P2RX5: variants seen among roughly 807,000 people sequenced by gnomAD.
The protein encoded by P2RX5 is purinergic receptor P2X 5, also known as P2X purinoceptor 5.
A neutral mutation model predicts 54.1 loss-of-function variants in P2RX5; 46 were observed. The observed-to-expected ratio is 0.85, with a 90% CI of 0.67 to 1.09. The LOEUF (loss-of-function observed/expected upper bound fraction) is 1.09. Among genes scored for constraint, P2RX5 ranks in the 50% least tolerant of loss-of-function variants. The probability of loss-of-function intolerance (pLI) is 0.00; values close to 1 mark genes in which losing one functional copy is unlikely to be tolerated. For synonymous variants in P2RX5, 226 were observed against 226.4 expected (o/e 1.00, Z 0.02); for missense variants, 566 against 549.8 (o/e 1.03, Z -0.29).
intron 10 of P2RX5, among the ~76,000 whole-genome samples, chr17:3,681,281 G>A (rs1279336420): frequency 1.3e-5 from 2 of 152,122 alleles, no homozygotes; most frequent in African/African-American, 4.8e-5. Flanking sequence ...GTACTAAGGT[G>A]TCTGTCCCAA....
At chr17:3,723,523 A>C in the P2RX5 span, 1 of 985,234 alleles carries the variant, frequency 1.0e-6, no homozygotes, top group Non-Finnish European at 1.6e-6. Context: ...GGCCCAAGCG[A>C]AGCTCCAGCG....
chr17:3,713,410 G>A, the P2RX5 span, among the ~76,000 whole-genome samples: 1 of 152,206 alleles, frequency 6.6e-6, no homozygotes, highest in Admixed American at 6.5e-5. Flanking sequence ...TATAAATTAA[G>A]ACCCCTTTGA....
At position 3,690,425 on chromosome 17, in the gene P2RX5, A is replaced by C; in HGVS notation, c.533+2T>G. 1 of 1,606,466 alleles carries C rather than the reference A, an allele frequency of 6.2e-7. No homozygotes were observed. Among genetic ancestry groups the C allele is most frequent in the Non-Finnish European group, 8.5e-7 (1 of 1,176,208 alleles). On this transcript the variant is annotated splice_donor_variant, in intron 5 of 11. Coordinates refer to ENST00000225328, the MANE Select transcript of P2RX5 (RefSeq NM_002561.4). LOFTEE classifies it high-confidence loss of function. The stretch of plus-strand genomic sequence containing the variant: ...CAGGGTCCTGAGGCTGCAGCCACTC[A>C]CTCCGGCCTGGAGCTTGTCTCCAAC...
At chr17:3,693,490 C>T (rs1279809721) in intron 1 of P2RX5, among the ~76,000 whole-genome samples, 2 of 152,210 alleles carry the variant, frequency 1.3e-5, no homozygotes, top group Non-Finnish European at 2.9e-5. Flanking sequence ...CATCCCAGCA[C>T]TTTGGGAGGC....
the P2RX5 span, among the ~76,000 whole-genome samples, chr17:3,706,658 G>C: frequency 6.6e-6 from 1 of 152,040 alleles, no homozygotes; most frequent in Non-Finnish European, 1.5e-5. Flanking sequence ...TCGGGGGTCG[G>C]AGCAAGGAGC....
At chr17:3,701,950 C>T in the P2RX5 span, among the ~76,000 whole-genome samples, 75,071 of 150,946 alleles carry the variant, frequency 0.5, 20,780 homozygotes, top group South Asian at 0.69. Context: ...GTAATTTTTT[C>T]GTATTTTTAG....
rs1298470782 is a variant in P2RX5 at position 3,673,425 on chromosome 17, A to C, written c.*443T>G. Reference sequence around the variant, plus strand: ...CCACTGGAGAGTATGCTCTGAGGGAAGCTGCGGCACTTGCAGAGGGGAGTG... The same window carrying C: ...CCACTGGAGAGTATGCTCTGAGGGACGCTGCGGCACTTGCAGAGGGGAGTG... On this transcript the variant is annotated 3_prime_UTR_variant, in exon 12 of 12. Coordinates refer to ENST00000225328, the MANE Select transcript of P2RX5 (RefSeq NM_002561.4). The C allele has an allele frequency of 1.9e-6, 2 of 1,078,494 alleles. No individual in the cohort carries two copies. Among genetic ancestry groups the C allele is most frequent in the Non-Finnish European group, 2.3e-6 (2 of 885,146 alleles). The allele number at this position is 1,078,494 out of a possible 1,614,324, so 66.8% of individuals were successfully genotyped here. A position where few individuals can be genotyped will look rare whatever the true frequency, so the allele number is the denominator to read the frequency against.
the P2RX5 span, among the ~76,000 whole-genome samples, chr17:3,706,014 G>C: frequency 9.2e-5 from 14 of 151,928 alleles, no homozygotes; most frequent in Non-Finnish European, 1.9e-4. Context: ...GAGTGCAGTG[G>C]CACAATCTCA....
chr17:3,691,695 C>T lies in P2RX5; in HGVS notation c.237G>A (p.Ser79=), dbSNP rs758104208. The T allele has an allele frequency of 5.3e-5, 86 of 1,614,076 alleles. No individual in the cohort carries two copies. The highest frequency in any genetic ancestry group is 1.6e-4 in the Middle Eastern group (1 of 6,084). The change falls in exon 2 of 12, where the codon TCG becomes TCA. Residue 79 remains serine, a synonymous_variant. Transcript: ENST00000225328. The stretch of plus-strand genomic sequence containing the variant: ...CATCCCAGATCCGCTGCCCAAGATC[C>T]GAGGTGTTGGTGAAGGCCACGCCCT... ...KVKGVAFTNT[S]DLGQRIWDVA...
the P2RX5 span, among the ~76,000 whole-genome samples, chr17:3,701,354 T>C: frequency 6.6e-6 from 1 of 152,146 alleles, no homozygotes; most frequent in Non-Finnish European, 1.5e-5. Flanking sequence ...TCTGGTCTAG[T>C]TGGATGATTT....
rs1379424918 is a variant in P2RX5, at chr17:3,680,483, ATCCTCCACCCAGTG to A, written c.1065-713_1065-700del. ...CTCCACCCAGTGTCCTCCACCCTGC[ATCCTCCACCCAGTG>A]TCCTCCACCCTGCATCCTCCACCCT... On this transcript the variant is annotated intron_variant, in intron 10 of 11. Transcript: ENST00000225328. Among the ~76,000 whole-genome samples, 53 of 37,584 alleles carry A rather than the reference ATCCTCCACCCAGTG, an allele frequency of 1.4e-3. 1 individual carries two copies. Among genetic ancestry groups the A allele is most frequent in the South Asian group, 0.011 (10 of 944 alleles). The allele number at this position is 37,584 out of a possible 152,430, so 24.7% of individuals were successfully genotyped here.
At chr17:3,713,803 G>T in the P2RX5 span, among the ~76,000 whole-genome samples, 2 of 152,052 alleles carry the variant, frequency 1.3e-5, no homozygotes, top group African/African-American at 4.8e-5. Flanking sequence ...GCAGCAAGCG[G>T]AGTAGAAAGG....
chr17:3,680,189 GTCCTCCACCCTGCATCCTCCACCCTGCA>G (rs1409062427), intron 10 of P2RX5, among the ~76,000 whole-genome samples: 13 of 45,790 alleles, frequency 2.8e-4, no homozygotes, highest in South Asian at 2.7e-3. Context: ...TCCACCCTGC[GTCCTCCACCCTGCATCCTCCACCCTGCA>G]TCCTCCACCC....
intron 1 of P2RX5, among the ~76,000 whole-genome samples, chr17:3,692,570 G>A (rs1217063435): frequency 1.3e-5 from 2 of 152,144 alleles, no homozygotes; most frequent in African/African-American, 2.4e-5. Flanking sequence ...GGCCAGGCAC[G>A]GTGGCTCGCG....
At chr17:3,680,273 G>GCA (rs2050220621) in intron 10 of P2RX5, among the ~76,000 whole-genome samples, 6 of 106,156 alleles carry the variant, frequency 5.7e-5, no homozygotes, top group Admixed American at 9.3e-5. Context: ...TCCACCCAGT[G>GCA]TCCTCCACCC....
upstream of P2RX5, among the ~76,000 whole-genome samples, chr17:3,696,574 C>G (rs1389036917): frequency 2.6e-5 from 4 of 152,190 alleles, no homozygotes; most frequent in Non-Finnish European, 5.9e-5. Context: ...CCTGCCTCAG[C>G]CTCCCAAGTA....
At chr17:3,704,127 A>G in the P2RX5 span, among the ~76,000 whole-genome samples, 1 of 134,144 alleles carries the variant, frequency 7.5e-6, no homozygotes, top group Admixed American at 7.6e-5. Context: ...ACAAAACCCA[A>G]AAAACCACAC....
chr17:3,720,464 T>G, the P2RX5 span: 1 of 777,962 alleles, frequency 1.3e-6, no homozygotes, highest in Non-Finnish European at 2.3e-6. Context: ...CTCACTGTGT[T>G]TGAACAGCCT....
rs1481693876 is a variant in P2RX5, at chr17:3,679,539, C to A, written c.1259+51G>T. The A allele has an allele frequency of 3.2e-6, 5 of 1,560,286 alleles. No homozygotes were observed. In the Admixed American group the frequency reaches 8.4e-5, roughly 26 times the overall value. Reference sequence around the variant, plus strand: ...GGCATGAGAAGCCCCAACTGGGGACCCCTCTCTGCAGGACCCAGCTGTCGG... The same window carrying A: ...GGCATGAGAAGCCCCAACTGGGGACACCTCTCTGCAGGACCCAGCTGTCGG... On this transcript the variant is annotated intron_variant, in intron 11 of 11. Coordinates refer to ENST00000225328, the MANE Select transcript of P2RX5 (RefSeq NM_002561.4).
Sources: gnomAD v4.1 joint callset for allele counts (sites outside exome capture counted in the v4.1 genomes callset) on GRCh38, gnomAD v4.1.1 for gene constraint, MANE v1.5 for transcripts, NCBI Gene and HGNC (gene_info 2026-07-23, HGNC 2026-07-21) for gene names.